Variants in HROB observed in about 807,000 individuals in gnomAD.
The protein encoded by HROB is homologous recombination OB-fold protein.
HROB carries 44 observed loss-of-function variants against 61.0 expected under a neutral mutation model. That is an observed-to-expected ratio of 0.72 (90% CI 0.57 to 0.93). HROB has a LOEUF of 0.93. HROB is among the 40% of genes least tolerant of loss of function. HROB has a pLI of 0.00. For missense variants in HROB, 716 were observed against 796.2 expected (o/e 0.90, Z 1.21); for synonymous variants, 301 against 310.4 (o/e 0.97, Z 0.32).
intron 5 of HROB, among the ~76,000 whole-genome samples, 167 bp downstream of exon 5, chr17:44,152,944 TG>T (rs2053859929): frequency 6.6e-6 from 1 of 152,196 alleles, no homozygotes; most frequent in African/African-American, 2.4e-5. Context: ...ACCTTTTCAC[TG>T]TCATCCATAG....
At chr17:44,153,186 C>T (rs1413629466) in intron 5 of HROB, among the ~76,000 whole-genome samples, 1 of 152,130 alleles carries the variant, frequency 6.6e-6, no homozygotes, top group African/African-American at 2.4e-5. Flanking sequence ...GTGGCTCACA[C>T]CTGTAATCCC....
At position 44,148,824 on chromosome 17, in the gene HROB, C is replaced by T. The variant is rs774881553; in HGVS notation, c.1021C>T (p.Gln341Ter). The T allele has an allele frequency of 2.0e-5, 32 of 1,614,132 alleles. No homozygotes were observed. The highest frequency in any genetic ancestry group is 2.6e-5 in the Non-Finnish European group (31 of 1,180,050). Reference protein sequence around the residue: ...SSGLFPRIPLQPQAPVSSIGS... With the variant: ...SSGLFPRIPL ...TGGATTATTTCCTCGGATACCCTTACAACCGCAAGCTCCAGTGTCTTCCAT... is the reference window on the plus strand; with the variant it reads ...TGGATTATTTCCTCGGATACCCTTATAACCGCAAGCTCCAGTGTCTTCCAT... The change falls in exon 3 of 10, where the codon CAA (glutamine) becomes TAA (stop). Residue 341 changes from glutamine to a stop codon, truncating the protein, a stop_gained. Coordinates refer to ENST00000585683, the MANE Select transcript of HROB (RefSeq NM_001171251.3). LOFTEE classifies it high-confidence loss of function.
chr17:44,152,211 T>C (rs1161922435), intron 4 of HROB, among the ~76,000 whole-genome samples: 2 of 151,804 alleles, frequency 1.3e-5, no homozygotes, highest in African/African-American at 4.8e-5. Context: ...AACTCTTGTC[T>C]TCAGGTGATC....
At chr17:44,150,393 T>C (rs903847908) in intron 3 of HROB, among the ~76,000 whole-genome samples, 3 of 44,990 alleles carry the variant, frequency 6.7e-5, no homozygotes, top group Admixed American at 2.3e-4. Flanking sequence ...TCTTTCTTTC[T>C]TTTTTTTTTT....
intron 5 of HROB, among the ~76,000 whole-genome samples, chr17:44,153,883 A>G (rs1354701414): frequency 6.7e-6 from 1 of 149,240 alleles, no homozygotes; most frequent in East Asian, 2.0e-4. Flanking sequence ...AACCCCCTCT[A>G]TTGAAAATAC....
intron 6 of HROB, 87 bp downstream of exon 6, chr17:44,154,751 A>G: frequency 6.3e-7 from 1 of 1,591,216 alleles, no homozygotes; most frequent in Non-Finnish European, 8.6e-7. Context: ...CTTTGCAGAC[A>G]GGAAAACTGA....
rs748801257 is a variant in HROB at position 44,147,934 on chromosome 17, C to T, written c.131C>T (p.Pro44Leu). Residue 44 changes from proline to leucine, a missense_variant, in exon 3 of 10, where the codon CCT (proline) becomes CTT (leucine). By Grantham distance (98) the Pro-to-Leu change is moderately conservative. Coordinates refer to ENST00000585683, the MANE Select transcript of HROB (RefSeq NM_001171251.3). ...SLPVNAGRLR[P>L]VSSRPQETVQ... ...CCTGTGAATGCTGGGCGCCTGAGAC[C>T]TGTCTCTTCTAGGCCACAGGAGACT... 5.0e-6 allele frequency: 8 copies of T among 1,614,050 alleles called. No individual in the cohort carries two copies. The African/African-American group carries it at 1.1e-4, about 22-fold the overall frequency.
chr17:44,146,791 T>C (rs1432926537), intron 2 of HROB, among the ~76,000 whole-genome samples: 1 of 147,362 alleles, frequency 6.8e-6, no homozygotes, highest in Non-Finnish European at 1.5e-5. Flanking sequence ...GCCCAGACAA[T>C]CCAGTGCAGT....
intron 1 of HROB, among the ~76,000 whole-genome samples, chr17:44,144,297 G>A (rs1314630791): frequency 2.0e-5 from 3 of 151,888 alleles, no homozygotes; most frequent in African/African-American, 7.3e-5. Flanking sequence ...CCACCACCAC[G>A]CCCAGCTAAT....
Position 44,148,571 on chromosome 17 carries a change from C to CTTAACA in HROB, c.769_774dup (p.Leu257_Thr258dup). ...TGGGTCACCTTCCTGTTCCAACTGC[C>CTTAACA]TTAACAGTTCCCACTCAGCAACTCC... On this transcript the variant is annotated inframe_insertion, in exon 3 of 10. Transcript: ENST00000585683. 1.2e-6 allele frequency: 2 copies of CTTAACA among 1,614,022 alleles called. No homozygotes were observed. Among genetic ancestry groups the CTTAACA allele is most frequent in the African/African-American group, 2.7e-5 (2 of 75,028 alleles).
chr17:44,146,075 G>T (rs1005079780), intron 2 of HROB, among the ~76,000 whole-genome samples: 4 of 151,996 alleles, frequency 2.6e-5, no homozygotes, highest in Non-Finnish European at 5.9e-5. Context: ...TTGGAGACAG[G>T]ATCTCTTTCT....
intron 3 of HROB, among the ~76,000 whole-genome samples, chr17:44,149,375 A>G (rs896881415): frequency 1.3e-5 from 2 of 151,708 alleles, no homozygotes; most frequent in Non-Finnish European, 2.9e-5. Context: ...CAGCCTCTTG[A>G]GTAGCTGGGA....
At chr17:44,142,295 C>A in intron 1 of HROB, 150 bp downstream of exon 1, 1 of 1,072,946 alleles carries the variant, frequency 9.3e-7, no homozygotes, top group Non-Finnish European at 1.3e-6. Context: ...GGGCTGTCGT[C>A]AGGGCTTGTC....
At chr17:44,153,515 G>T (rs2053878836) in intron 5 of HROB, among the ~76,000 whole-genome samples, 1 of 152,044 alleles carries the variant, frequency 6.6e-6, no homozygotes, top group African/African-American at 2.4e-5. Context: ...AGAGGTCAAG[G>T]CGGGCGGATC....
chr17:44,158,147 G>A (rs146015183), intron 9 of HROB, among the ~76,000 whole-genome samples: 1 of 152,202 alleles, frequency 6.6e-6, no homozygotes, highest in Non-Finnish European at 1.5e-5. Flanking sequence ...GTAAAACAAA[G>A]TGTCATCCAC....
rs760328625 is a variant in HROB at position 44,148,066 on chromosome 17, G to C, written c.263G>C (p.Ser88Thr). 1 of 1,614,174 alleles carries C rather than the reference G, an allele frequency of 6.2e-7. No individual in the cohort carries two copies. The highest frequency in any genetic ancestry group is 1.1e-5 in the South Asian group (1 of 91,082). Reference protein sequence around the residue: ...DLCLPASSTPSADSRPSCIGA... With the variant: ...DLCLPASSTPTADSRPSCIGA... ...TGCCTCCCTGCCTCCAGCACGCCCA[G>C]TGCTGACAGCCGTCCATCATGCATA... Residue 88 changes from serine to threonine, a missense_variant, in exon 3 of 10, where the codon AGT becomes ACT. Physicochemically the swap from Ser to Thr is moderately conservative, Grantham distance 58. Transcript: ENST00000585683.
chr17:44,156,231 CTTTCT>C (rs746942512), intron 8 of HROB, among the ~76,000 whole-genome samples: 25 of 152,102 alleles, frequency 1.6e-4, no homozygotes, highest in Non-Finnish European at 2.6e-4. Context: ...CTTTCTTTTT[CTTTCT>C]TTTCTTTTCT....
chr17:44,143,575 T>C (rs1598080828), intron 1 of HROB, among the ~76,000 whole-genome samples: 1 of 150,782 alleles, frequency 6.6e-6, no homozygotes, highest in African/African-American at 2.4e-5. Flanking sequence ...ACCTGGAAGG[T>C]GGAGGTTGCA....
At chr17:44,161,652 G>A (rs1319062906) in intron 9 of HROB, among the ~76,000 whole-genome samples, 24 of 152,138 alleles carry the variant, frequency 1.6e-4, no homozygotes, top group East Asian at 1.9e-4. Context: ...CAGGGATTAC[G>A]CCCCCGCCTT....
Sources: gnomAD v4.1 joint callset for allele counts (sites outside exome capture counted in the v4.1 genomes callset) on GRCh38, gnomAD v4.1.1 for gene constraint, MANE v1.5 for transcripts, NCBI Gene and HGNC (gene_info 2026-07-23, HGNC 2026-07-21) for gene names.